Variants in CNTRL observed in about 807,000 individuals in gnomAD.
CNTRL encodes 110 kDa centrosomal protein.
Under a neutral mutation model 303.7 loss-of-function variants are expected in CNTRL, and 233 were observed. That is an observed-to-expected ratio of 0.77 (90% confidence interval 0.69 to 0.86). The LOEUF (loss-of-function observed/expected upper bound fraction) is 0.86. Ranked by LOEUF, CNTRL falls within the 40% of genes least tolerant of loss-of-function variation. CNTRL has a pLI of 0.00. For synonymous variants in CNTRL, 900 were observed against 922.2 expected (o/e 0.98, Z 0.44); for missense variants, 2,524 against 2,650.6 (o/e 0.95, Z 1.05).
At chr9:121,091,666 A>G (rs910297515) in intron 4 of CNTRL, among the ~76,000 whole-genome samples, 1 of 152,076 alleles carries the variant, frequency 6.6e-6, no homozygotes, top group Admixed American at 6.6e-5. Flanking sequence ...AACATGATGA[A>G]ACCCCATCTC....
rs534837612 is a variant in CNTRL, at chr9:121,121,530, T to C, written c.1651-2401T>C. Among the ~76,000 whole-genome samples the C allele has an allele frequency of 2.4e-3, 371 of 152,352 alleles. 2 individuals are homozygous for C. The highest frequency in any genetic ancestry group is 8.3e-3 in the African/African-American group (345 of 41,588). On this transcript the variant is annotated intron_variant, in intron 12 of 43. Coordinates refer to ENST00000373855, the MANE Select transcript of CNTRL (RefSeq NM_007018.6). ...ACTATTTTAGTTATAAAATTATTCATAGAAGCACAAATTATCACCGGAGCA... is the reference window on the plus strand; with the variant it reads ...ACTATTTTAGTTATAAAATTATTCACAGAAGCACAAATTATCACCGGAGCA...
chr9:121,177,233 C>A lies in CNTRL; in HGVS notation c.*47C>A. On this transcript the variant is annotated 3_prime_UTR_variant, in exon 44 of 44. Transcript: ENST00000373855. ...ATATTCAAGGAAAACACCTCCACTA[C>A]CTCACTGACTTCATAATTGGAATGT... 6.8e-7 allele frequency: 1 copy of A among 1,477,658 alleles called. No homozygotes were observed. Among genetic ancestry groups the A allele is most frequent in the Non-Finnish European group, 9.4e-7 (1 of 1,063,444 alleles). The allele number at this position is 1,477,658 out of a possible 1,614,324, so 91.5% of individuals were successfully genotyped here. A position where few individuals can be genotyped will look rare whatever the true frequency, so the allele number is the denominator to read the frequency against.
At chr9:121,135,523 C>T (rs757408274) in intron 14 of CNTRL, among the ~76,000 whole-genome samples, 63 of 152,192 alleles carry the variant, frequency 4.1e-4, no homozygotes, top group Admixed American at 2.3e-3. Context: ...TTCCTTTCTT[C>T]CTCCTTATGT....
chr9:121,107,705 A>AT, intron 7 of CNTRL, 97 bp from the exon 8 acceptor site: 3 of 816,240 alleles, frequency 3.7e-6, no homozygotes, highest in Non-Finnish European at 5.5e-6. Flanking sequence ...TATTTACAAT[A>AT]TTTTTAGACT....
rs763339191 is a variant in CNTRL at position 121,165,088 on chromosome 9, C to T, written c.5569C>T (p.Gln1857Ter). The change falls in exon 35 of 44, where the codon CAG becomes TAG. Residue 1857 changes from glutamine (Q) to a stop codon, truncating the protein, a stop_gained. Coordinates refer to ENST00000373855, the MANE Select transcript of CNTRL (RefSeq NM_007018.6). LOFTEE classifies it high-confidence loss of function. ...GCATAACGACATTTCAGCAATGCAA[C>T]AGCAGCTCCAAGGTATAAGGCAGCA... ...SLHNDISAMQ[Q>*]QLQEKREAVN... 6.3e-7 allele frequency: 1 copy of T among 1,588,070 alleles called. No individual in the cohort carries two copies. The highest frequency in any genetic ancestry group is 1.4e-5 in the African/African-American group (1 of 73,148).
intron 37 of CNTRL, 105 bp from the exon 38 acceptor site, chr9:121,167,991 G>T: frequency 1.0e-6 from 1 of 954,186 alleles, no homozygotes; most frequent in Non-Finnish European, 1.6e-6. Flanking sequence ...GTCCCTGTGG[G>T]CTGTCTTCTA....
intron 43 of CNTRL, 163 bp downstream of exon 43, chr9:121,175,387 C>G (rs2053480450): frequency 4.4e-6 from 3 of 674,190 alleles, no homozygotes; most frequent in Non-Finnish European, 8.0e-6. Flanking sequence ...CCACCTCAGC[C>G]TCCCATGTAG....
intron 11 of CNTRL, 136 bp from the exon 12 acceptor site, chr9:121,118,210 A>T: frequency 1.7e-6 from 1 of 584,256 alleles, no homozygotes; most frequent in Non-Finnish European, 2.7e-6. Context: ...TGGAGTGCTT[A>T]GATAACTCCC....
chr9:121,078,130 A>T (rs1364796621), intron 1 of CNTRL, among the ~76,000 whole-genome samples: 2 of 151,588 alleles, frequency 1.3e-5, no homozygotes, highest in Non-Finnish European at 2.9e-5. Flanking sequence ...AGTATTACTG[A>T]GGGCTGGGCA....
At chr9:121,144,227 A>T in intron 20 of CNTRL, 145 bp downstream of exon 20, 1 of 684,032 alleles carries the variant, frequency 1.5e-6, no homozygotes, top group East Asian at 2.8e-5. Flanking sequence ...CCTAAAGATT[A>T]TATTCCCCCC....
intron 14 of CNTRL, among the ~76,000 whole-genome samples, chr9:121,133,565 C>G (rs1225066679): frequency 6.6e-6 from 1 of 152,218 alleles, no homozygotes; most frequent in Admixed American, 6.5e-5. Flanking sequence ...TGTACGGCTT[C>G]CCTTGGCTAG....
Position 121,128,588 on chromosome 9 carries a change from G to A in CNTRL, c.2025+2652G>A, listed in dbSNP as rs200479914. On this transcript the variant is annotated intron_variant, in intron 14 of 43. Coordinates refer to ENST00000373855, the MANE Select transcript of CNTRL (RefSeq NM_007018.6). ...TGCAAAAATTTTCTCCCATTCTGTA[G>A]GTTGCCTGTTCACTCTGATGGTAGT... is the stretch of plus-strand genomic sequence containing the variant. Among the ~76,000 whole-genome samples, 19 of 152,246 alleles carry A rather than the reference G, an allele frequency of 1.2e-4. No homozygotes were observed. In the East Asian group the frequency reaches 3.7e-3, roughly 29 times the overall value.
Position 121,135,774 on chromosome 9 carries a change from G to A in CNTRL, c.2026-32G>A, listed in dbSNP as rs778365944. ...CAAATGCTTAAGCAGCACAGTGAGG[G>A]TTCCATAGTTAAACCCACTGAATCT... On this transcript the variant is annotated intron_variant, in intron 14 of 43. Transcript: ENST00000373855. 2.5e-6 allele frequency: 4 copies of A among 1,577,566 alleles called. No homozygotes were observed. In the East Asian group the frequency reaches 6.8e-5, roughly 27 times the overall value.
At chr9:121,076,814 G>T (rs1030606632) in intron 1 of CNTRL, among the ~76,000 whole-genome samples, 3 of 152,066 alleles carry the variant, frequency 2.0e-5, no homozygotes, top group Non-Finnish European at 2.9e-5. Flanking sequence ...AGGAGGAGAA[G>T]ATTAAGGAGT....
intron 1 of CNTRL, among the ~76,000 whole-genome samples, chr9:121,075,935 A>C (rs961039236): frequency 2.0e-5 from 3 of 152,192 alleles, no homozygotes; most frequent in Non-Finnish European, 4.4e-5. Flanking sequence ...CCAAGCTTTT[A>C]ACTGTTCAGG....
Position 121,158,844 on chromosome 9 carries a change from CTTT to C in CNTRL, c.4765-10_4765-8del. On this transcript the variant is annotated splice_polypyrimidine_tract_variant and splice_region_variant and intron_variant, in intron 30 of 43. Transcript: ENST00000373855. ...TTTGTCAAACTTACTCTTCCCTTTT[CTTT>C]AATACAGGTGACAAGTCAGCAGCAG... The C allele has an allele frequency of 6.2e-7, 1 of 1,613,290 alleles. No homozygotes were observed. The highest frequency in any genetic ancestry group is 8.5e-7 in the Non-Finnish European group (1 of 1,179,608).
intron 39 of CNTRL, 22 bp downstream of exon 39, chr9:121,169,838 A>G (rs1190094158): frequency 6.2e-7 from 1 of 1,600,196 alleles, no homozygotes; most frequent in Non-Finnish European, 8.5e-7. Context: ...CTGCCGTGGC[A>G]GTTTGTGAGG....
At chr9:121,163,226 G>T (rs888252674) in intron 34 of CNTRL, among the ~76,000 whole-genome samples, 1 of 150,278 alleles carries the variant, frequency 6.7e-6, no homozygotes, top group Non-Finnish European at 1.5e-5. Context: ...AAGCTGAGGT[G>T]GGAGAATTGT....
rs746396330 is a variant in CNTRL, at chr9:121,167,506, C to G, written c.5673C>G (p.Thr1891=). ...ACCTAAAGGACCTGCTTCACACCAC[C>G]AAGCATCAGGATGTGTTGCTCAGTG... ...NLAKQDLLHT[T]KHQDVLLSEQ... The change falls in exon 37 of 44, where the codon ACC becomes ACG. Residue 1891 remains threonine (T), a synonymous_variant. Transcript: ENST00000373855. 9 of 1,613,152 alleles carry G rather than the reference C, an allele frequency of 5.6e-6. No homozygotes were observed. In the Admixed American group the frequency reaches 1.0e-4, roughly 18 times the overall value.
Sources: gnomAD v4.1 joint callset for allele counts (sites outside exome capture counted in the v4.1 genomes callset) on GRCh38, gnomAD v4.1.1 for gene constraint, MANE v1.5 for transcripts, NCBI Gene and HGNC (gene_info 2026-07-23, HGNC 2026-07-21) for gene names.